The following MIER2 variants were observed in gnomAD, a reference collection of about 807,000 sequenced individuals.
MIER2 encodes the protein mesoderm induction early response protein 2.
In MIER2, 30 loss-of-function variants were observed where a neutral mutation model predicts 67.6. The observed-to-expected ratio is 0.44, with a 90% CI of 0.33 to 0.60. The LOEUF (loss-of-function observed/expected upper bound fraction) is 0.60, where lower values mean the gene tolerates loss of function less well. Among genes scored for constraint, MIER2 ranks in the 20% least tolerant of loss-of-function variants. The pLI is 0.02. For synonymous variants in MIER2, 372 were observed against 312.6 expected (o/e 1.19, Z -2.00); for missense variants, 702 against 745.1 (o/e 0.94, Z 0.67).
Position 327,836 on chromosome 19 carries a change from G to A in MIER2, c.369+28C>T, listed in dbSNP as rs372725742. 38 of 1,610,310 alleles carry A rather than the reference G, an allele frequency of 2.4e-5. No individual in the cohort carries two copies. The African/African-American group carries it at 5.0e-4, about 21-fold the overall frequency. On this transcript the variant is annotated intron_variant, in intron 4 of 13. Transcript: ENST00000264819. ...CAGGCCCCCCCACCTTCAGCTGTGA[G>A]CCAGTTCCAGGAAGGGCCCTCACTT...
intron 7 of MIER2, among the ~76,000 whole-genome samples, chr19:324,915 C>G (rs1971671719): frequency 6.6e-6 from 1 of 152,244 alleles, no homozygotes; most frequent in Non-Finnish European, 1.5e-5. Context: ...CTGGCTCCGT[C>G]CTCTTCTCAC....
chr19:325,539 CG>C, intron 7 of MIER2, 95 bp downstream of exon 7: 1 of 1,402,262 alleles, frequency 7.1e-7, no homozygotes, highest in Non-Finnish European at 1.0e-6. Context: ...CGATGCGGGG[CG>C]GGGACCTGAC....
In MIER2 at chr19:343,546, C is replaced by G. The variant is rs114363909; in HGVS notation, c.9+1228G>C. Among the ~76,000 whole-genome samples, 867 of 152,326 alleles carry G rather than the reference C, an allele frequency of 5.7e-3. 8 individuals carry two copies. The highest frequency in any genetic ancestry group is 0.02 in the African/African-American group (814 of 41,580). Reference sequence around the variant, plus strand: ...CCTGTTACTGCCCCTGAGGTCGTCACCAGGGGGAGAGAATGGCCAGTCCTG... The same window carrying G: ...CCTGTTACTGCCCCTGAGGTCGTCAGCAGGGGGAGAGAATGGCCAGTCCTG... On this transcript the variant is annotated intron_variant, in intron 1 of 13. Transcript: ENST00000264819.
At chr19:317,387 A>T (rs8110810) in intron 7 of MIER2, among the ~76,000 whole-genome samples, 11 of 151,716 alleles carry the variant, frequency 7.3e-5, no homozygotes, top group African/African-American at 2.2e-4. Flanking sequence ...ATTAGCCGGG[A>T]GTCATGGCGG....
At chr19:335,939 T>C (rs772604314) in intron 2 of MIER2, 144 bp downstream of exon 2, 17 of 750,240 alleles carry the variant, frequency 2.3e-5, no homozygotes, top group Middle Eastern at 2.7e-4. Context: ...CACAGCTCCA[T>C]CTGAACGGGT....
At position 306,559 on chromosome 19, in the gene MIER2, T is replaced by C; in HGVS notation, c.*131A>G. On this transcript the variant is annotated 3_prime_UTR_variant, in exon 14 of 14. Transcript: ENST00000264819. Reference sequence around the variant, plus strand: ...CAGCCACCTCACCCCAGTCCTGACGTGTTCTGAAGCAGAAGGAGGTGCTAC... The same window carrying C: ...CAGCCACCTCACCCCAGTCCTGACGCGTTCTGAAGCAGAAGGAGGTGCTAC... 8.1e-7 allele frequency: 1 copy of C among 1,227,506 alleles called. No individual in the cohort carries two copies. Among genetic ancestry groups the C allele is most frequent in the Non-Finnish European group, 1.2e-6 (1 of 865,374 alleles). 76.0% of individuals were successfully genotyped at this position (1,227,506 alleles called of 1,614,324 possible).
At chr19:335,375 G>A (rs965986674) in intron 2 of MIER2, among the ~76,000 whole-genome samples, 3 of 152,332 alleles carry the variant, frequency 2.0e-5, no homozygotes, top group South Asian at 2.1e-4. Context: ...GACCCCCAGC[G>A]GCAGGCACCT....
intron 1 of MIER2, chr19:344,180 C>T (rs1972632442): frequency 1.0e-6 from 1 of 985,322 alleles, no homozygotes; most frequent in African/African-American, 1.7e-5. Flanking sequence ...CTCTCTAGGC[C>T]CCGGCAGACC....
chr19:314,488 A>G (rs1004885277), intron 7 of MIER2, among the ~76,000 whole-genome samples: 36 of 152,192 alleles, frequency 2.4e-4, no homozygotes, highest in African/African-American at 8.7e-4. Flanking sequence ...ATAAAAAACA[A>G]AATCAGTGCA....
chr19:324,229 G>A (rs1307450667), intron 7 of MIER2, among the ~76,000 whole-genome samples: 1 of 131,250 alleles, frequency 7.6e-6, no homozygotes, highest in Non-Finnish European at 1.6e-5. Flanking sequence ...TCATCACAAT[G>A]CAATACACAA....
chr19:339,814 T>C (rs1444769570), intron 1 of MIER2, among the ~76,000 whole-genome samples: 3 of 151,386 alleles, frequency 2.0e-5, no homozygotes, highest in Non-Finnish European at 2.9e-5. Flanking sequence ...GGGCTGGGAG[T>C]TGATCTGGGG....
At chr19:330,870 C>T (rs556704404) in intron 3 of MIER2, among the ~76,000 whole-genome samples, 5 of 152,250 alleles carry the variant, frequency 3.3e-5, no homozygotes, top group South Asian at 4.1e-4. Context: ...TTCACTGATA[C>T]GGTCTCAGAT....
intron 1 of MIER2, among the ~76,000 whole-genome samples, chr19:338,035 G>C (rs866200465): frequency 6.7e-6 from 1 of 149,954 alleles, no homozygotes; most frequent in Non-Finnish European, 1.5e-5. Flanking sequence ...AGCTGGGTGT[G>C]GTGGCGGGCA....
In MIER2 at chr19:305,840, C is replaced by A; in HGVS notation, c.*850G>T. 1 of 152,658 alleles carries A rather than the reference C, an allele frequency of 6.6e-6. No individual in the cohort carries two copies. 9.5% of individuals were successfully genotyped at this position (152,658 alleles called of 1,614,324 possible). Reference sequence around the variant, plus strand: ...CCAAGCCATCTTGCTAGGAAGCTTCCCACAGAAGGAAGACCTGCAGGGCTG... The same window carrying A: ...CCAAGCCATCTTGCTAGGAAGCTTCACACAGAAGGAAGACCTGCAGGGCTG... On this transcript the variant is annotated 3_prime_UTR_variant, in exon 14 of 14. Transcript: ENST00000264819.
At chr19:330,057 C>G (rs1031934137) in intron 3 of MIER2, among the ~76,000 whole-genome samples, 1 of 151,998 alleles carries the variant, frequency 6.6e-6, no homozygotes, top group Non-Finnish European at 1.5e-5. Context: ...AGAGGCTGTT[C>G]CTGGTCGTTT....
chr19:318,557 A>C (rs1971358517), intron 7 of MIER2, among the ~76,000 whole-genome samples: 1 of 152,214 alleles, frequency 6.6e-6, no homozygotes, highest in Non-Finnish European at 1.5e-5. Context: ...AAGTGAGAAT[A>C]CAGATGATGT....
Position 326,391 on chromosome 19 carries a change from C to T in MIER2, c.585+116G>A, listed in dbSNP as rs1352021146. ...ATGCCAGGTTGGGGACACGGCAGAG[C>T]CACGGCCGGGATGCCAGGCTGGGGA... On this transcript the variant is annotated intron_variant, in intron 6 of 13. Transcript: ENST00000264819. 3.4e-6 allele frequency: 3 copies of T among 875,720 alleles called. No individual in the cohort carries two copies. The East Asian group carries it at 7.4e-5, about 22-fold the overall frequency. 54.2% of individuals were successfully genotyped at this position (875,720 alleles called of 1,614,324 possible). A position where few individuals can be genotyped will look rare whatever the true frequency, so the allele number is the denominator to read the frequency against.
intron 1 of MIER2, among the ~76,000 whole-genome samples, chr19:341,140 T>C (rs550695560): frequency 1.3e-5 from 2 of 152,134 alleles, no homozygotes; most frequent in South Asian, 2.1e-4. Context: ...TAGGACCCTC[T>C]GGGTAGGGGT....
chr19:307,049 T>C (rs1970681546), intron 13 of MIER2, 70 bp downstream of exon 13: 3 of 1,490,766 alleles, frequency 2.0e-6, no homozygotes, highest in Non-Finnish European at 2.7e-6. Context: ...CACCCTCCTC[T>C]GCTCAGCCTG....
Sources: gnomAD v4.1 joint callset for allele counts (sites outside exome capture counted in the v4.1 genomes callset) on GRCh38, gnomAD v4.1.1 for gene constraint, MANE v1.5 for transcripts, NCBI Gene and HGNC (gene_info 2026-07-23, HGNC 2026-07-21) for gene names.